Variants in DCHS2 observed in about 807,000 individuals in gnomAD.
DCHS2 encodes the protein dachsous cadherin-related 2.
A neutral mutation model predicts 182.4 loss-of-function variants in DCHS2; 142 were observed. The ratio of observed to expected loss-of-function variants is 0.78; its 90% CI spans 0.68 to 0.89. The LOEUF (loss-of-function observed/expected upper bound fraction) is 0.89, where lower values mean the gene tolerates loss of function less well. Ranked by LOEUF, DCHS2 falls within the 40% of genes least tolerant of loss-of-function variation. The pLI is 0.00. For synonymous variants in DCHS2, 1,740 were observed against 1,663.3 expected, an observed-to-expected ratio of 1.05 and a Z score of -1.12; for missense variants, 4,319 against 4,198.6, an observed-to-expected ratio of 1.03 and a Z score of -0.79.
At chr4:154,472,946 C>A (rs1735535718) in intron 1 of DCHS2, among the ~76,000 whole-genome samples, 1 of 152,158 alleles carries the variant, frequency 6.6e-6, no homozygotes, top group African/African-American at 2.4e-5. Flanking sequence ...CCAGCCAACT[C>A]ATTTTCATTA....
In DCHS2 at chr4:154,251,269, T is replaced by G. The variant is rs182447180; in HGVS notation, c.6941+4250A>C. Among the ~76,000 whole-genome samples the G allele has an allele frequency of 7.2e-5, 11 of 152,318 alleles. No individual in the cohort carries two copies. In the East Asian group the frequency reaches 1.9e-3, roughly 27 times the overall value. On this transcript the variant is annotated intron_variant, in intron 16 of 19. Transcript: ENST00000357232. ...TTTGTAAATGTACATGCATATACTT[T>G]TAAGATTCATTCACATCATAAAATA...
intron 14 of DCHS2, among the ~76,000 whole-genome samples, chr4:154,268,193 C>CTT (rs897943423): frequency 6.6e-6 from 1 of 151,820 alleles, no homozygotes; most frequent in Admixed American, 6.6e-5. Context: ...AATCTTTTCT[C>CTT]TTTTCTTATT....
intron 1 of DCHS2, among the ~76,000 whole-genome samples, chr4:154,431,434 A>G (rs1355107337): frequency 6.6e-6 from 1 of 152,090 alleles, no homozygotes; most frequent in Non-Finnish European, 1.5e-5. Flanking sequence ...ATACTTATAT[A>G]TATATTGTTA....
chr4:154,358,077 C>T (rs947410886), intron 3 of DCHS2, among the ~76,000 whole-genome samples: 11 of 152,100 alleles, frequency 7.2e-5, no homozygotes, highest in Non-Finnish European at 1.6e-4. Context: ...CATTTTATAC[C>T]ATTGACAAGG....
At chr4:154,245,844 A>T (rs1403133133) in intron 16 of DCHS2, among the ~76,000 whole-genome samples, 1 of 152,210 alleles carries the variant, frequency 6.6e-6, no homozygotes, top group Non-Finnish European at 1.5e-5. Flanking sequence ...AGAGATTAAA[A>T]TCCACTCAGA....
chr4:154,474,254 A>G (rs73854802), intron 1 of DCHS2, among the ~76,000 whole-genome samples: 481 of 152,258 alleles, frequency 3.2e-3, no homozygotes, highest in African/African-American at 0.011. Flanking sequence ...GTTAACTTAC[A>G]TCAACAAAGT....
chr4:154,258,723 G>T (rs796763562), intron 15 of DCHS2, among the ~76,000 whole-genome samples: 1 of 152,078 alleles, frequency 6.6e-6, no homozygotes, highest in East Asian at 1.9e-4. Context: ...AACTGTTGCA[G>T]GTTTTGTCCA....
intron 15 of DCHS2, among the ~76,000 whole-genome samples, chr4:154,259,216 C>G (rs1258783909): frequency 6.6e-6 from 1 of 152,070 alleles, no homozygotes; most frequent in Non-Finnish European, 1.5e-5. Flanking sequence ...GAGGCTGTGT[C>G]TCCTCTTTTC....
At chr4:154,292,123 TA>T (rs1680436126) in intron 13 of DCHS2, among the ~76,000 whole-genome samples, 1 of 152,124 alleles carries the variant, frequency 6.6e-6, no homozygotes, top group South Asian at 2.1e-4. Context: ...TTTTGAAATG[TA>T]AAAAAACAAA....
At chr4:154,463,229 G>A (rs1013885127) in intron 1 of DCHS2, among the ~76,000 whole-genome samples, 6 of 151,046 alleles carry the variant, frequency 4.0e-5, no homozygotes, top group African/African-American at 1.5e-4. Flanking sequence ...TACACCAATG[G>A]CAGCATACTA....
intron 1 of DCHS2, among the ~76,000 whole-genome samples, chr4:154,472,080 A>G (rs1735495768): frequency 6.6e-6 from 1 of 152,270 alleles, no homozygotes; most frequent in Admixed American, 6.5e-5. Context: ...TTGGATTGCA[A>G]GAAGTTATTA....
intron 1 of DCHS2, among the ~76,000 whole-genome samples, chr4:154,417,485 A>T (rs1245544079): frequency 6.6e-6 from 1 of 152,126 alleles, no homozygotes; most frequent in African/African-American, 2.4e-5. Context: ...CAAGGGAGGG[A>T]TCTCACGATA....
chr4:154,454,152 CA>C (rs1734661498), intron 1 of DCHS2, among the ~76,000 whole-genome samples: 1 of 152,082 alleles, frequency 6.6e-6, no homozygotes, highest in African/African-American at 2.4e-5. Context: ...CACACACACA[CA>C]CACCCCTTGC....
Position 154,236,155 on chromosome 4 carries a change from C to T in DCHS2, c.8497G>A (p.Asp2833Asn). 1 of 1,613,718 alleles carries T rather than the reference C, an allele frequency of 6.2e-7. No individual in the cohort carries two copies. The highest frequency in any genetic ancestry group is 8.5e-7 in the Non-Finnish European group (1 of 1,179,938). Residue 2833 changes from aspartate to asparagine, a missense_variant, in exon 20 of 20, where the codon GAT becomes AAT. Asp to Asn is a conservative substitution (Grantham distance 23, BLOSUM62 1). Coordinates refer to ENST00000357232, the MANE Select transcript of DCHS2 (RefSeq NM_001358235.2). ...TCAAGGATTTGCTTAGCATGAATAT[C>T]CCCTGTCAAAGGGTCAATGAGGAAG... ...DLFLIDPLTG[D>N]IHAKQILDYE...
chr4:154,308,437 TCA>T (rs1735537883), intron 10 of DCHS2, among the ~76,000 whole-genome samples: 1 of 152,212 alleles, frequency 6.6e-6, no homozygotes, highest in Admixed American at 6.5e-5. Context: ...CATTGTCATC[TCA>T]CTCTATACAT....
At chr4:154,257,624 C>T (rs1732756399) in intron 15 of DCHS2, among the ~76,000 whole-genome samples, 2 of 152,106 alleles carry the variant, frequency 1.3e-5, no homozygotes, top group South Asian at 2.1e-4. Flanking sequence ...GGGTCAGACC[C>T]TCAAAGGAGT....
chr4:154,409,142 G>A (rs1234828110), intron 1 of DCHS2, among the ~76,000 whole-genome samples: 4 of 152,144 alleles, frequency 2.6e-5, no homozygotes, highest in Non-Finnish European at 5.9e-5. Flanking sequence ...CAGGCCAAGT[G>A]ACCGCAGTAC....
chr4:154,469,423 A>G (rs1341768591), intron 1 of DCHS2, among the ~76,000 whole-genome samples: 2 of 152,210 alleles, frequency 1.3e-5, no homozygotes, highest in African/African-American at 4.8e-5. Flanking sequence ...TTCAAAATTC[A>G]GATTTTCCCC....
intron 1 of DCHS2, chr4:154,486,482 T>C (rs1286440148): frequency 7.7e-7 from 1 of 1,304,696 alleles, no homozygotes; most frequent in African/African-American, 1.5e-5. Context: ...CCTTTTGTTT[T>C]TGTTTGATTT....
Sources: allele counts gnomAD v4.1 joint callset (sites outside exome capture counted in the v4.1 genomes callset), GRCh38; gene constraint gnomAD v4.1.1; transcripts MANE v1.5; gene names NCBI Gene and HGNC (gene_info 2026-07-23, HGNC 2026-07-21).